PAPPA2: variants seen among roughly 807,000 people sequenced by gnomAD.
The protein encoded by PAPPA2 is pappalysin-2.
PAPPA2 carries 86 observed loss-of-function variants against 176.4 expected under a neutral mutation model. The observed-to-expected ratio is 0.49, with a 90% CI of 0.41 to 0.58. The LOEUF is 0.58. Ranked by LOEUF, PAPPA2 falls within the 20% of genes least tolerant of loss-of-function variation. The pLI is 0.00. For missense variants in PAPPA2, 2,073 were observed against 2,256.9 expected (o/e 0.92, Z 1.65); for synonymous variants, 809 against 852.2 (o/e 0.95, Z 0.88).
At chr1:176,474,228 G>C (rs1652012210) in intron 1 of PAPPA2, among the ~76,000 whole-genome samples, 1 of 152,206 alleles carries the variant, frequency 6.6e-6, no homozygotes, top group African/African-American at 2.4e-5. Context: ...TCCAAGGTAA[G>C]TTGGTGTGGG....
intron 21 of PAPPA2, among the ~76,000 whole-genome samples, chr1:176,804,239 G>A (rs778423485): frequency 6.6e-6 from 1 of 152,084 alleles, no homozygotes; most frequent in Non-Finnish European, 1.5e-5. Flanking sequence ...GTATCTTCAT[G>A]CATGTTGAAA....
Position 176,690,132 on chromosome 1 carries a change from T to G in PAPPA2, c.2138-5T>G. Reference sequence around the variant, plus strand: ...CTGAAAGGCTTTTCAAAACTTTCATTGCAGGTGGCATTGTCCTCAGCCCAG... The same window carrying G: ...CTGAAAGGCTTTTCAAAACTTTCATGGCAGGTGGCATTGTCCTCAGCCCAG... On this transcript the variant is annotated splice_region_variant and splice_polypyrimidine_tract_variant and intron_variant, in intron 4 of 22. Coordinates refer to ENST00000367662, the MANE Select transcript of PAPPA2 (RefSeq NM_020318.3). The G allele has an allele frequency of 6.3e-7, 1 of 1,590,586 alleles. No individual in the cohort carries two copies. The highest frequency in any genetic ancestry group is 2.3e-5 in the East Asian group (1 of 44,298).
At chr1:176,526,833 A>G (rs1467254716) in intron 1 of PAPPA2, among the ~76,000 whole-genome samples, 1 of 152,232 alleles carries the variant, frequency 6.6e-6, no homozygotes, top group Non-Finnish European at 1.5e-5. Context: ...TTTCTGCCTA[A>G]TTGTGTGACA....
rs373369208 is a variant in PAPPA2, at chr1:176,634,593, A to G, written c.1992-36377A>G. Among the ~76,000 whole-genome samples the G allele has an allele frequency of 4.6e-5, 7 of 151,144 alleles. No individual in the cohort carries two copies. The East Asian group carries it at 1.4e-3, about 29-fold the overall frequency. On this transcript the variant is annotated intron_variant, in intron 3 of 22. Coordinates refer to ENST00000367662, the MANE Select transcript of PAPPA2 (RefSeq NM_020318.3). The stretch of plus-strand genomic sequence containing the variant: ...ATCCTAGAACTTTAAGTATAATAAA[A>G]ATATATATATATAAAATAAAAAAAA...
chr1:176,583,516 A>G (rs1653113363), intron 2 of PAPPA2, among the ~76,000 whole-genome samples: 1 of 151,992 alleles, frequency 6.6e-6, no homozygotes, highest in Non-Finnish European at 1.5e-5. Flanking sequence ...ATGTATTTTT[A>G]TGGTTTCAAA....
At chr1:176,675,086 G>A (rs1485145114) in intron 4 of PAPPA2, among the ~76,000 whole-genome samples, 2 of 151,914 alleles carry the variant, frequency 1.3e-5, no homozygotes, top group Non-Finnish European at 2.9e-5. Context: ...CTTTGCCTAA[G>A]CCAATGTCTA....
At chr1:176,743,164 T>G (rs1662760869) in intron 14 of PAPPA2, among the ~76,000 whole-genome samples, 1 of 152,184 alleles carries the variant, frequency 6.6e-6, no homozygotes, top group Non-Finnish European at 1.5e-5. Context: ...TTCCTCCTGA[T>G]TACAAATGTA....
At chr1:176,754,768 A>G (rs1455938043) in intron 14 of PAPPA2, among the ~76,000 whole-genome samples, 1 of 152,214 alleles carries the variant, frequency 6.6e-6, no homozygotes, top group Non-Finnish European at 1.5e-5. Context: ...ATAAAAGGAA[A>G]CCAGTAGTAT....
intron 3 of PAPPA2, among the ~76,000 whole-genome samples, chr1:176,602,729 A>C (rs1654398789): frequency 6.6e-6 from 1 of 152,158 alleles, no homozygotes; most frequent in Non-Finnish European, 1.5e-5. Flanking sequence ...AAAAACTGCC[A>C]GTTCCCTCAC....
At chr1:176,560,379 T>C (rs765318687) in intron 2 of PAPPA2, among the ~76,000 whole-genome samples, 15 of 152,208 alleles carry the variant, frequency 9.9e-5, no homozygotes, top group Non-Finnish European at 2.1e-4. Flanking sequence ...AACACGGAGC[T>C]CACAGGCTTT....
At chr1:176,819,015 G>T (rs1010222269) in intron 21 of PAPPA2, among the ~76,000 whole-genome samples, 5 of 152,104 alleles carry the variant, frequency 3.3e-5, no homozygotes, top group African/African-American at 1.2e-4. Context: ...TTCCCCATTG[G>T]AATATAAGTT....
intron 3 of PAPPA2, among the ~76,000 whole-genome samples, chr1:176,623,050 C>T (rs905736013): frequency 6.6e-6 from 1 of 152,074 alleles, no homozygotes; most frequent in African/African-American, 2.4e-5. Flanking sequence ...AATCACTTCT[C>T]GAAAGCCCTA....
rs188344229 is a variant in PAPPA2, at chr1:176,721,544, A to C, written c.3798+9563A>C. Reference sequence around the variant, plus strand: ...CATTTTCAAATGATATCTTTGGTACAAAATTCTAGGTAGCCAGTTGTTTTC... The same window carrying C: ...CATTTTCAAATGATATCTTTGGTACCAAATTCTAGGTAGCCAGTTGTTTTC... On this transcript the variant is annotated intron_variant, in intron 12 of 22. Transcript: ENST00000367662. Among the ~76,000 whole-genome samples the C allele has an allele frequency of 1.4e-3, 209 of 152,322 alleles. 1 individual carries two copies. Among genetic ancestry groups the C allele is most frequent in the African/African-American group, 4.9e-3 (202 of 41,576 alleles).
chr1:176,798,525 A>G (rs764396436), intron 20 of PAPPA2, among the ~76,000 whole-genome samples: 1 of 152,212 alleles, frequency 6.6e-6, no homozygotes, highest in African/African-American at 2.4e-5. Context: ...TGCCATTGCT[A>G]CTATCTGGGA....
intron 3 of PAPPA2, among the ~76,000 whole-genome samples, chr1:176,601,024 C>CATATGTTAGAA (rs1654291518): frequency 1.3e-5 from 2 of 152,112 alleles, no homozygotes; most frequent in Admixed American, 6.6e-5. Context: ...TCCCAAAGTT[C>CATATGTTAGAA]ATATGTTAGA....
chr1:176,575,896 C>G (rs986282776), intron 2 of PAPPA2, among the ~76,000 whole-genome samples: 1 of 152,092 alleles, frequency 6.6e-6, no homozygotes, highest in African/African-American at 2.4e-5. Context: ...ACATATTGTC[C>G]CAGAACTTAC....
chr1:176,517,081 T>G (rs1648950825), intron 1 of PAPPA2, among the ~76,000 whole-genome samples: 1 of 152,192 alleles, frequency 6.6e-6, no homozygotes, highest in Non-Finnish European at 1.5e-5. Context: ...ATTCCTACCA[T>G]ATTTATAGAG....
rs1289791903 is a variant in PAPPA2, at chr1:176,710,048, A to G, written c.3523A>G (p.Ser1175Gly). The G allele has an allele frequency of 6.2e-7, 1 of 1,613,432 alleles. No homozygotes were observed. Among genetic ancestry groups the G allele is most frequent in the East Asian group, 2.2e-5 (1 of 44,850 alleles). The change falls in exon 11 of 23, where the codon AGC (serine) becomes GGC (glycine). Residue 1175 changes from serine to glycine, a missense_variant. Transcript: ENST00000367662. ...GICEPFERKT[S>G]IVDCGIYTPK... Reference sequence around the variant, plus strand: ...ATGTGAACCTTTTGAGAGAAAAACCAGCATTGTAGACTGTGGCATCTACAC... The same window carrying G: ...ATGTGAACCTTTTGAGAGAAAAACCGGCATTGTAGACTGTGGCATCTACAC...
chr1:176,541,987 T>C (rs536703941), intron 1 of PAPPA2, among the ~76,000 whole-genome samples: 52 of 152,298 alleles, frequency 3.4e-4, no homozygotes, highest in African/African-American at 1.2e-3. Context: ...ACCTATCACG[T>C]TTGTTGAATA....
Sources: allele counts gnomAD v4.1 joint callset (sites outside exome capture counted in the v4.1 genomes callset), GRCh38; gene constraint gnomAD v4.1.1; transcripts MANE v1.5; gene names NCBI Gene and HGNC (gene_info 2026-07-23, HGNC 2026-07-21).